NHS: variants seen among roughly 807,000 people sequenced by gnomAD.
The protein encoded by NHS is NHS actin remodeling regulator.
A neutral mutation model predicts 72.5 loss-of-function variants in NHS; 5 were observed. The ratio of observed to expected loss-of-function variants is 0.07; its 90% CI spans 0.04 to 0.14. The LOEUF (loss-of-function observed/expected upper bound fraction) is 0.14. NHS is among the 10% of genes least tolerant of loss of function. NHS has a pLI of 1.00. For synonymous variants in NHS, 464 were observed against 547.7 expected, an observed-to-expected ratio of 0.85 and a Z score of 2.13; for missense variants, 1,072 against 1,355.7, an observed-to-expected ratio of 0.79 and a Z score of 3.29.
At chrX:17,429,153 G>A (rs1226132670) in intron 1 of NHS, among the ~76,000 whole-genome samples, 1 of 110,750 alleles carries the variant, frequency 9.0e-6, no homozygotes, top group East Asian at 2.8e-4. Flanking sequence ...CCTTATTAGG[G>A]GGGAAGTTCC....
Position 17,524,496 on chromosome X carries a change from C to T in NHS, c.565+148174C>T, listed in dbSNP as rs4825240. Reference sequence around the variant, plus strand: ...CATTTAGTTGTCCTGTCTCTTTTGTCCCCGTTAATCAAGAACAGTTCATAA... The same window carrying T: ...CATTTAGTTGTCCTGTCTCTTTTGTTCCCGTTAATCAAGAACAGTTCATAA... On this transcript the variant is annotated intron_variant, in intron 1 of 8. Coordinates refer to ENST00000676302, the MANE Select transcript of NHS (RefSeq NM_001291867.2). Among the ~76,000 whole-genome samples the T allele has an allele frequency of 4.5e-5, 5 of 112,325 alleles. No homozygotes were observed. In the Admixed American group the frequency reaches 4.7e-4, roughly 11 times the overall value.
intron 3 of NHS, among the ~76,000 whole-genome samples, chrX:17,697,454 G>T (rs754156278): frequency 2.7e-5 from 3 of 111,658 alleles, no homozygotes; most frequent in Non-Finnish European, 5.7e-5. Context: ...GTCAATGAAA[G>T]AATATATGAA....
intron 1 of NHS, among the ~76,000 whole-genome samples, chrX:17,413,586 A>G (rs1465225068): frequency 1.8e-5 from 2 of 112,423 alleles, no homozygotes; most frequent in Non-Finnish European, 3.8e-5. Context: ...AACTATAGTC[A>G]TTTGCCCAGA....
chrX:17,553,759 C>T (rs184359881), intron 1 of NHS, among the ~76,000 whole-genome samples: 1,566 of 111,278 alleles, frequency 0.014, 25 homozygotes, highest in African/African-American at 0.049. Flanking sequence ...ACTCCTGTTT[C>T]GGGGGCGGGG....
intron 1 of NHS, among the ~76,000 whole-genome samples, chrX:17,514,777 G>C (rs1456084051): frequency 8.9e-6 from 1 of 111,955 alleles, no homozygotes; most frequent in Admixed American, 9.5e-5. Flanking sequence ...AGACACCCTG[G>C]TTTCAACCCT....
intron 1 of NHS, among the ~76,000 whole-genome samples, chrX:17,606,201 C>G (rs1429841753): frequency 8.9e-6 from 1 of 111,981 alleles, no homozygotes; most frequent in African/African-American, 3.2e-5. Flanking sequence ...AGAGGAGGCC[C>G]TGGACAGCAT....
At chrX:17,442,631 A>G (rs935980271) in intron 1 of NHS, among the ~76,000 whole-genome samples, 1 of 112,464 alleles carries the variant, frequency 8.9e-6, no homozygotes, top group Non-Finnish European at 1.9e-5. Context: ...TCGGGTCATT[A>G]TTTAGCATAA....
At chrX:17,713,574 C>G (rs2066347398) in intron 3 of NHS, among the ~76,000 whole-genome samples, 1 of 112,083 alleles carries the variant, frequency 8.9e-6, no homozygotes, top group South Asian at 3.7e-4. Flanking sequence ...CTGGAATACC[C>G]ACAACATTTT....
At chrX:17,587,315 C>T (rs1257536143) in intron 1 of NHS, among the ~76,000 whole-genome samples, 1 of 112,113 alleles carries the variant, frequency 8.9e-6, no homozygotes, top group Non-Finnish European at 1.9e-5. Flanking sequence ...TTCCCTTCCT[C>T]ACCAGGTCTG....
intron 1 of NHS, among the ~76,000 whole-genome samples, chrX:17,430,259 TTTTCTTTCTTTC>T (rs56175001): frequency 0.067 from 3,469 of 51,520 alleles, 127 homozygotes; most frequent in South Asian, 0.11. Context: ...CCCTCTTTCT[TTTTCTTTCTTTC>T]TTTCTTTCTT....
intron 1 of NHS, among the ~76,000 whole-genome samples, chrX:17,550,822 G>A (rs1476492157): frequency 8.9e-6 from 1 of 111,818 alleles, no homozygotes; most frequent in Non-Finnish European, 1.9e-5. Context: ...CTCACTCAGG[G>A]TATGAGCCAA....
chrX:17,651,123 A>T (rs1018130241), intron 1 of NHS, among the ~76,000 whole-genome samples: 5 of 112,396 alleles, frequency 4.4e-5, no homozygotes, highest in Non-Finnish European at 9.4e-5. Context: ...GCAAGCCCAC[A>T]TGTATCCTTT....
At chrX:17,416,147 C>G (rs2064593253) in intron 1 of NHS, among the ~76,000 whole-genome samples, 1 of 111,133 alleles carries the variant, frequency 9.0e-6, no homozygotes, top group Non-Finnish European at 1.9e-5. Flanking sequence ...TCGTTGCTTT[C>G]AGTCTCTCTC....
intron 1 of NHS, among the ~76,000 whole-genome samples, chrX:17,606,098 C>A (rs202183497): frequency 8.9e-6 from 1 of 111,961 alleles, no homozygotes; most frequent in African/African-American, 3.2e-5. Context: ...TATTAGCTCC[C>A]GTGGGGTATG....
At chrX:17,509,041 G>T (rs1351256502) in intron 1 of NHS, among the ~76,000 whole-genome samples, 1 of 110,765 alleles carries the variant, frequency 9.0e-6, no homozygotes, top group Non-Finnish European at 1.9e-5. Context: ...ATCCCTCTTA[G>T]GGAACTAGCT....
intron 8 of NHS, 39 bp downstream of exon 8, chrX:17,728,814 C>T: frequency 1.7e-6 from 2 of 1,208,688 alleles, no homozygotes; most frequent in Non-Finnish European, 2.2e-6. Flanking sequence ...ACAAAAGGTA[C>T]AACAAAGGTT....
intron 1 of NHS, among the ~76,000 whole-genome samples, chrX:17,562,630 A>C (rs1233960062): frequency 9.0e-6 from 1 of 111,684 alleles, no homozygotes; most frequent in Non-Finnish European, 1.9e-5. Context: ...TCTCATAGTT[A>C]TGGTCTTGAT....
chrX:17,562,166 T>A (rs926920961), intron 1 of NHS, among the ~76,000 whole-genome samples: 2 of 110,781 alleles, frequency 1.8e-5, no homozygotes, highest in African/African-American at 6.6e-5. Context: ...GTGTAAGCAG[T>A]TTATTTGAGA....
chrX:17,636,607 A>G (rs919510659), intron 1 of NHS, among the ~76,000 whole-genome samples: 2 of 112,124 alleles, frequency 1.8e-5, no homozygotes, highest in African/African-American at 6.5e-5. Context: ...AGGCTGACAC[A>G]GGGCCAAGTT....
Sources: gnomAD v4.1 joint callset for allele counts (sites outside exome capture counted in the v4.1 genomes callset) on GRCh38, gnomAD v4.1.1 for gene constraint, MANE v1.5 for transcripts, NCBI Gene and HGNC (gene_info 2026-07-23, HGNC 2026-07-21) for gene names.